TMEM232: variants seen among roughly 807,000 people sequenced by gnomAD.
TMEM232 encodes the protein transmembrane protein 232.
Under a neutral mutation model 78.8 loss-of-function variants are expected in TMEM232, and 80 were observed. The ratio of observed to expected loss-of-function variants is 1.01; its 90% CI spans 0.85 to 1.22. The LOEUF is 1.22. Ranked by LOEUF, TMEM232 falls within the 50% of genes most tolerant of loss-of-function variation. The probability of loss-of-function intolerance (pLI) is 0.00; values close to 1 mark genes in which losing one functional copy is unlikely to be tolerated. For missense variants in TMEM232, 881 were observed against 742.2 expected (o/e 1.19, Z -2.17); for synonymous variants, 297 against 254.3 (o/e 1.17, Z -1.60).
chr5:110,401,422 T>C (rs1189047477), intron 2 of TMEM232, among the ~76,000 whole-genome samples: 3 of 151,948 alleles, frequency 2.0e-5, no homozygotes, highest in Non-Finnish European at 1.5e-5. Context: ...GACATGCCTC[T>C]CTGGCCAAGC....
intron 1 of TMEM232, among the ~76,000 whole-genome samples, chr5:110,694,978 C>T (rs1222926246): frequency 5.3e-5 from 8 of 152,286 alleles, no homozygotes; most frequent in African/African-American, 1.9e-4. Flanking sequence ...GAACTCTCCA[C>T]CCCAAATCAA....
intron 12 of TMEM232, among the ~76,000 whole-genome samples, chr5:110,464,126 C>A (rs1445189157): frequency 6.6e-6 from 1 of 152,124 alleles, no homozygotes. Flanking sequence ...TTCTCACACA[C>A]CGAAGTTACA....
intron 2 of TMEM232, among the ~76,000 whole-genome samples, chr5:110,732,262 T>C (rs1363089952): frequency 3.3e-5 from 5 of 152,218 alleles, no homozygotes; most frequent in South Asian, 4.1e-4. Flanking sequence ...CATATTTTCC[T>C]GTCTTCTTCT....
chr5:110,407,750 T>C (rs1280357038), intron 2 of TMEM232, among the ~76,000 whole-genome samples: 1 of 152,128 alleles, frequency 6.6e-6, no homozygotes, highest in African/African-American at 2.4e-5. Flanking sequence ...CATGGAACAT[T>C]TTCCAGAAGA....
intron 1 of TMEM232, among the ~76,000 whole-genome samples, chr5:110,699,936 C>G (rs1289796654): frequency 6.6e-6 from 1 of 152,052 alleles, no homozygotes; most frequent in Non-Finnish European, 1.5e-5. Context: ...GTAGGTGTCA[C>G]TAAGAAATTC....
chr5:110,410,689 T>C (rs191981882), intron 2 of TMEM232, among the ~76,000 whole-genome samples: 1 of 152,284 alleles, frequency 6.6e-6, no homozygotes, highest in Non-Finnish European at 1.5e-5. Context: ...GTGCCAGGTA[T>C]TGGGACAGGA....
chr5:110,508,066 C>A (rs147673938), intron 12 of TMEM232, among the ~76,000 whole-genome samples: 3 of 151,984 alleles, frequency 2.0e-5, no homozygotes, highest in Admixed American at 1.3e-4. Context: ...AAAATTTCCA[C>A]GCTTAAGATA....
chr5:110,493,877 A>G (rs1193002974), intron 12 of TMEM232, among the ~76,000 whole-genome samples: 1 of 151,790 alleles, frequency 6.6e-6, no homozygotes. Context: ...GGTTTGCTGC[A>G]CCCATCAACC....
chr5:110,615,293 T>C (rs1254711894), intron 8 of TMEM232, among the ~76,000 whole-genome samples: 2 of 151,988 alleles, frequency 1.3e-5, no homozygotes, highest in Non-Finnish European at 1.5e-5. Context: ...GCCTTTGGTG[T>C]AGAATGGGCT....
chr5:110,711,565 T>C (rs951895065), intron 1 of TMEM232, among the ~76,000 whole-genome samples: 2 of 152,098 alleles, frequency 1.3e-5, no homozygotes, highest in Admixed American at 1.3e-4. Flanking sequence ...CAAAACAGCA[T>C]GGTATTGGCA....
chr5:110,526,938 A>T (rs1026659463), intron 12 of TMEM232, among the ~76,000 whole-genome samples: 1 of 151,944 alleles, frequency 6.6e-6, no homozygotes, highest in Non-Finnish European at 1.5e-5. Flanking sequence ...AGGCTAAATG[A>T]CAAATGCAAG....
At chr5:110,469,985 A>C (rs570594170) in intron 12 of TMEM232, among the ~76,000 whole-genome samples, 1 of 152,080 alleles carries the variant, frequency 6.6e-6, no homozygotes, top group Admixed American at 6.6e-5. Context: ...GCCCCCCCGG[A>C]ACCCCAGCAA....
At chr5:110,414,497 T>A (rs1330955416), downstream of TMEM232, among the ~76,000 whole-genome samples, 1 of 152,220 alleles carries the variant, frequency 6.6e-6, no homozygotes, top group African/African-American at 2.4e-5. Flanking sequence ...GAGGCAAATT[T>A]AATTTTATAC....
intron 2 of TMEM232, among the ~76,000 whole-genome samples, chr5:110,406,651 C>A (rs969587941): frequency 6.6e-6 from 1 of 151,868 alleles, no homozygotes; most frequent in Admixed American, 6.6e-5. Context: ...AGGTATGAAC[C>A]CACTGGTAAA....
intron 12 of TMEM232, chr5:110,429,810 C>T (rs1334081929): frequency 4.0e-5 from 6 of 151,722 alleles, no homozygotes; most frequent in Admixed American, 3.3e-4. Context: ...TTTTGAGATT[C>T]ATCATAGATT....
At chr5:110,646,388 T>C (rs1266774165) in intron 2 of TMEM232, among the ~76,000 whole-genome samples, 1 of 151,592 alleles carries the variant, frequency 6.6e-6, no homozygotes, top group African/African-American at 2.4e-5. Context: ...TAAAAGCCAA[T>C]GGAGGAGAAT....
At chr5:110,425,103 T>C (rs1324467686) in intron 12 of TMEM232, among the ~76,000 whole-genome samples, 187 bp from the exon 13 acceptor site, 2 of 152,150 alleles carry the variant, frequency 1.3e-5, no homozygotes, top group African/African-American at 4.8e-5. Context: ...TCACTGAAAC[T>C]GATAATTTTG....
intron 8 of TMEM232, among the ~76,000 whole-genome samples, chr5:110,608,321 A>T (rs1781758721): frequency 1.3e-5 from 2 of 151,970 alleles, no homozygotes; most frequent in Admixed American, 1.3e-4. Context: ...CTTTGACATA[A>T]AAAAGATATG....
At chr5:110,524,371 GA>G (rs1170767919) in intron 12 of TMEM232, among the ~76,000 whole-genome samples, 4 of 47,090 alleles carry the variant, frequency 8.5e-5, no homozygotes, top group African/African-American at 1.3e-4. Flanking sequence ...AAAAAAGAAA[GA>G]AAGAAAGAAA....
Sources: gnomAD v4.1 joint callset for allele counts (sites outside exome capture counted in the v4.1 genomes callset) on GRCh38, gnomAD v4.1.1 for gene constraint, MANE v1.5 for transcripts, NCBI Gene and HGNC (gene_info 2026-07-23, HGNC 2026-07-21) for gene names.